Variants in TNFSF4 observed in about 807,000 individuals in gnomAD.
TNFSF4 encodes the protein TNF superfamily member 4, also known as tumor necrosis factor ligand superfamily member 4.
A neutral mutation model predicts 7.3 loss-of-function variants in TNFSF4; 4 were observed. That is an observed-to-expected ratio of 0.55 (90% CI 0.27 to 1.25). The LOEUF is 1.25. TNFSF4 is among the 50% of genes most tolerant of loss of function. The probability of loss-of-function intolerance (pLI) is 0.12; values close to 1 mark genes in which losing one functional copy is unlikely to be tolerated. For synonymous variants in TNFSF4, 76 were observed against 83.7 expected, an observed-to-expected ratio of 0.91 and a Z score of 0.50; for missense variants, 181 against 208.8, an observed-to-expected ratio of 0.87 and a Z score of 0.82.
the TNFSF4 span, among the ~76,000 whole-genome samples, chr1:173,397,172 T>C: frequency 1.3e-5 from 2 of 152,166 alleles, no homozygotes; most frequent in Non-Finnish European, 2.9e-5. Flanking sequence ...TTGATCTGGA[T>C]AAGCAGAAAA....
chr1:173,264,943 T>C, the TNFSF4 span, among the ~76,000 whole-genome samples: 2 of 152,312 alleles, frequency 1.3e-5, no homozygotes, highest in Non-Finnish European at 2.9e-5. Flanking sequence ...CACTCTACAG[T>C]AAATTTGAAT....
intron 1 of TNFSF4, among the ~76,000 whole-genome samples, chr1:173,193,000 T>C (rs1040299423): frequency 2.0e-5 from 3 of 152,118 alleles, no homozygotes; most frequent in African/African-American, 7.2e-5. Flanking sequence ...TTCTACATAA[T>C]ACTATATAAA....
chr1:173,405,938 C>T, the TNFSF4 span, among the ~76,000 whole-genome samples: 1 of 152,196 alleles, frequency 6.6e-6, no homozygotes, highest in African/African-American at 2.4e-5. Context: ...GGAGTTAGCT[C>T]ATCTCAACAG....
At chr1:173,310,352 T>C in the TNFSF4 span, among the ~76,000 whole-genome samples, 5 of 151,974 alleles carry the variant, frequency 3.3e-5, no homozygotes, top group Admixed American at 6.6e-5. Context: ...ATTTTCTTTA[T>C]CATTTAATTC....
chr1:173,312,848 TGCTACACGTGGATCCAG>T, the TNFSF4 span, among the ~76,000 whole-genome samples: 1 of 152,110 alleles, frequency 6.6e-6, no homozygotes, highest in Admixed American at 6.6e-5. Flanking sequence ...AAGAAGTACC[TGCTACACGTGGATCCAG>T]GCCCTGAGGC....
chr1:173,315,986 C>A, the TNFSF4 span, among the ~76,000 whole-genome samples: 1 of 152,078 alleles, frequency 6.6e-6, no homozygotes, highest in Admixed American at 6.6e-5. Flanking sequence ...CAATGTCAAG[C>A]TTTTCTCTTG....
the TNFSF4 span, among the ~76,000 whole-genome samples, chr1:173,313,751 C>T: frequency 2.7e-3 from 417 of 152,052 alleles, 5 homozygotes; most frequent in African/African-American, 8.3e-3. Flanking sequence ...CTTCTCTCTT[C>T]GTATATTACA....
chr1:173,403,630 G>A, the TNFSF4 span, among the ~76,000 whole-genome samples: 1,258 of 152,252 alleles, frequency 8.3e-3, 6 homozygotes, highest in Non-Finnish European at 9.6e-3. Flanking sequence ...TCAGCTGGGC[G>A]CGGTGGCTCA....
At chr1:173,401,744 A>AAC in the TNFSF4 span, among the ~76,000 whole-genome samples, 679 of 151,034 alleles carry the variant, frequency 4.5e-3, 8 homozygotes, top group African/African-American at 0.015. Context: ...ACACATACAC[A>AAC]ACACACACAC....
At chr1:173,373,030 T>C in the TNFSF4 span, among the ~76,000 whole-genome samples, 10 of 152,344 alleles carry the variant, frequency 6.6e-5, no homozygotes, top group East Asian at 1.2e-3. Flanking sequence ...TTAGCAGAAC[T>C]AGTGGCACTT....
chr1:173,382,203 A>C, the TNFSF4 span, among the ~76,000 whole-genome samples: 1 of 152,148 alleles, frequency 6.6e-6, no homozygotes, highest in African/African-American at 2.4e-5. Flanking sequence ...ACCCACCGGG[A>C]GGAACAAACA....
At chr1:173,310,556 T>C in the TNFSF4 span, among the ~76,000 whole-genome samples, 1 of 151,884 alleles carries the variant, frequency 6.6e-6, no homozygotes, top group Non-Finnish European at 1.5e-5. Context: ...ACCCAAAATA[T>C]AGTCAATTCT....
At chr1:173,248,257 T>C in the TNFSF4 span, among the ~76,000 whole-genome samples, 25 of 151,784 alleles carry the variant, frequency 1.6e-4, no homozygotes, top group Non-Finnish European at 3.1e-4. Flanking sequence ...CCCAGGAGGT[T>C]GAGGCAGGAG....
At chr1:173,314,795 T>C in the TNFSF4 span, among the ~76,000 whole-genome samples, 2 of 152,068 alleles carry the variant, frequency 1.3e-5, no homozygotes, top group African/African-American at 4.8e-5. Context: ...GAGGAAAGAG[T>C]GCTGAATGGC....
At chr1:173,276,365 C>T in the TNFSF4 span, among the ~76,000 whole-genome samples, 1 of 152,144 alleles carries the variant, frequency 6.6e-6, no homozygotes, top group African/African-American at 2.4e-5. Flanking sequence ...CTCTCCACCT[C>T]TACCACACAG....
At chr1:173,357,100 G>A in the TNFSF4 span, among the ~76,000 whole-genome samples, 4 of 152,142 alleles carry the variant, frequency 2.6e-5, no homozygotes, top group Middle Eastern at 3.2e-3. Context: ...GAAAACTTGG[G>A]GAAGAAAATA....
chr1:173,232,051 C>T, the TNFSF4 span, among the ~76,000 whole-genome samples: 1 of 152,092 alleles, frequency 6.6e-6, no homozygotes, highest in African/African-American at 2.4e-5. Context: ...CTATAAATTA[C>T]CCTGGGCAGT....
the TNFSF4 span, among the ~76,000 whole-genome samples, chr1:173,450,570 T>C: frequency 6.6e-6 from 1 of 151,630 alleles, no homozygotes; most frequent in African/African-American, 2.4e-5. Flanking sequence ...ATATTAATAA[T>C]ATGGCATGAT....
the TNFSF4 span, among the ~76,000 whole-genome samples, chr1:173,324,913 T>C: frequency 1.3e-5 from 2 of 152,208 alleles, no homozygotes; most frequent in African/African-American, 4.8e-5. Flanking sequence ...ACAATATTAA[T>C]GGGAGACTTT....
Sources: gnomAD v4.1 joint callset for allele counts (sites outside exome capture counted in the v4.1 genomes callset) on GRCh38, gnomAD v4.1.1 for gene constraint, MANE v1.5 for transcripts, NCBI Gene and HGNC (gene_info 2026-07-23, HGNC 2026-07-21) for gene names.